Variants in PIGG observed in about 807,000 individuals in gnomAD.
PIGG encodes the protein phosphatidylinositol glycan anchor biosynthesis class G (EMM blood group), also known as GPI ethanolamine phosphate transferase 2, catalytic subunit.
In PIGG, 70 loss-of-function variants were observed where a neutral mutation model predicts 83.2. The ratio of observed to expected loss-of-function variants is 0.84; its 90% CI spans 0.69 to 1.03. The LOEUF (loss-of-function observed/expected upper bound fraction) is 1.03, where lower values mean the gene tolerates loss of function less well. Among genes scored for constraint, PIGG ranks in the 50% least tolerant of loss-of-function variants. The pLI is 0.00. For missense variants in PIGG, 1,257 were observed against 1,233.6 expected, an observed-to-expected ratio of 1.02 and a Z score of -0.28; for synonymous variants, 532 against 519.5, an observed-to-expected ratio of 1.02 and a Z score of -0.33.
At chr4:538,495 A>G (rs975029578) in intron 12 of PIGG, among the ~76,000 whole-genome samples, 1 of 152,150 alleles carries the variant, frequency 6.6e-6, no homozygotes, top group Non-Finnish European at 1.5e-5. Flanking sequence ...TTTTCTATTC[A>G]TCGTTTGTAT....
Position 499,457 on chromosome 4 carries a change from G to C in PIGG, c.122G>C (p.Gly41Ala). ...CGTTCCTCTGCCAGAGCGGAACACGGAGCGGAGCCCCCAGCGCCCGAACCC... is the reference window on the plus strand; with the variant it reads ...CGTTCCTCTGCCAGAGCGGAACACGCAGCGGAGCCCCCAGCGCCCGAACCC... ...PVRSSARAEH[G>A]AEPPAPEPSA... is the part of the protein sequence containing the mutation. Residue 41 changes from glycine (G) to alanine (A), a missense_variant, in exon 1 of 13, where the codon GGA (glycine) becomes GCA (alanine). Gly to Ala is a moderately conservative substitution (Grantham distance 60, BLOSUM62 0). Coordinates refer to ENST00000453061, the MANE Select transcript of PIGG (RefSeq NM_001127178.3). 7.5e-6 allele frequency: 12 copies of C among 1,602,798 alleles called. No homozygotes were observed. Among genetic ancestry groups the C allele is most frequent in the Non-Finnish European group, 8.5e-6 (10 of 1,179,312 alleles).
In PIGG at chr4:499,408, C is replaced by A; in HGVS notation, c.73C>A (p.Arg25=). 1 of 1,609,336 alleles carries A rather than the reference C, an allele frequency of 6.2e-7. No individual in the cohort carries two copies. Among genetic ancestry groups the A allele is most frequent in the South Asian group, 1.1e-5 (1 of 90,960 alleles). Residue 25 remains arginine (R), a synonymous_variant, in exon 1 of 13, where the codon CGG becomes AGG. Coordinates refer to ENST00000453061, the MANE Select transcript of PIGG (RefSeq NM_001127178.3). ...IEVLGIAVFL[R]GFFPAPVRSS... ...GGTGCTAGGGATCGCGGTCTTCCTT[C>A]GGGGATTCTTCCCGGCTCCCGTTCG...
chr4:533,915 G>A lies in PIGG; in HGVS notation c.2669G>A (p.Gly890Glu). ...CCAGCCGTGCTCCTGACAGCGTTTG[G>A]GACGTACGCAGGGCCTGTGCTGTGG... ...EIPAVLLTAF[G>E]TYAGPVLWAS... Residue 890 changes from glycine (G) to glutamate (E), a missense_variant, in exon 12 of 13, where the codon GGG becomes GAG. Physicochemically the swap from Gly to Glu is moderately conservative, Grantham distance 98. Transcript: ENST00000453061. The A allele has an allele frequency of 6.2e-7, 1 of 1,614,186 alleles. No individual in the cohort carries two copies. The highest frequency in any genetic ancestry group is 8.5e-7 in the Non-Finnish European group (1 of 1,180,018).
chr4:511,783 A>AT lies in PIGG; in HGVS notation c.901+2816dup, dbSNP rs1221643023. Among the ~76,000 whole-genome samples, 36 of 152,334 alleles carry AT rather than the reference A, an allele frequency of 2.4e-4. No homozygotes were observed. The East Asian group carries it at 5.6e-3, about 24-fold the overall frequency. ...TCTTTTAGTATTTCTTGTAAGGCAG[A>AT]TTTGCTAGCAAAGAATTTTTTGTTT... On this transcript the variant is annotated intron_variant, in intron 5 of 12. Coordinates refer to ENST00000453061, the MANE Select transcript of PIGG (RefSeq NM_001127178.3).
intron 5 of PIGG, among the ~76,000 whole-genome samples, chr4:513,973 C>T (rs1216709559): frequency 6.6e-6 from 1 of 152,158 alleles, no homozygotes; most frequent in Non-Finnish European, 1.5e-5. Context: ...GATGCTGGTA[C>T]CCCTGGCTGA....
intron 9 of PIGG, chr4:525,445 A>G (rs367625087): frequency 1.3e-6 from 1 of 747,798 alleles, no homozygotes. Flanking sequence ...GAACTCCTGT[A>G]AGAAATGGCA....
rs375287233 is a variant in PIGG, at chr4:537,358, T to G, written c.2736-1795T>G. 1.3e-4 allele frequency: 20 copies of G among 152,212 alleles called. No homozygotes were observed. In the South Asian group the frequency reaches 2.9e-3, roughly 22 times the overall value. The allele number at this position is 152,212 out of a possible 1,614,324, so 9.4% of individuals were successfully genotyped here. On this transcript the variant is annotated intron_variant, in intron 12 of 12. Transcript: ENST00000453061. ...GTGGTGGGAACAGCAAGCCGCCATCTTCTAGGTGGGTAACGCTATAAAGTG... is the reference window on the plus strand; with the variant it reads ...GTGGTGGGAACAGCAAGCCGCCATCGTCTAGGTGGGTAACGCTATAAAGTG...
intron 6 of PIGG, among the ~76,000 whole-genome samples, chr4:516,817 C>G (rs1724021507): frequency 7.1e-6 from 1 of 141,712 alleles, no homozygotes; most frequent in Admixed American, 7.3e-5. Context: ...GATCGCGCTA[C>G]TGCACTCCAG....
chr4:512,856 A>T (rs1168119209), intron 5 of PIGG, among the ~76,000 whole-genome samples: 1 of 152,142 alleles, frequency 6.6e-6, no homozygotes, highest in East Asian at 1.9e-4. Flanking sequence ...CTCTTTATTG[A>T]TATTCTCTAT....
intron 10 of PIGG, among the ~76,000 whole-genome samples, chr4:529,200 C>G (rs1728440664): frequency 6.6e-6 from 1 of 152,216 alleles, no homozygotes; most frequent in African/African-American, 2.4e-5. Flanking sequence ...GCCCTAGCAT[C>G]CTCTCGACAC....
At chr4:512,324 A>T (rs1722289099) in intron 5 of PIGG, among the ~76,000 whole-genome samples, 1 of 144,844 alleles carries the variant, frequency 6.9e-6, no homozygotes, top group African/African-American at 2.6e-5. Flanking sequence ...GGTTCAAGCT[A>T]TTCTCCTGCC....
rs1194473818 is a variant in PIGG, at chr4:528,528, G to A, written c.2261+1298G>A. On this transcript the variant is annotated intron_variant, in intron 10 of 12. Coordinates refer to ENST00000453061, the MANE Select transcript of PIGG (RefSeq NM_001127178.3). This position sits in a 1 kb window ranked among gnomAD's most constrained non-coding sequence, Gnocchi z 4.8. ...GAGGCCTGGCTGAGGCAGTGAGAGT[G>A]TAGCAGGCCGTCATACGGGGCCGGG... The A allele has an allele frequency of 4.1e-6, 4 of 985,230 alleles. No individual in the cohort carries two copies. The allele number at this position is 985,230 out of a possible 1,614,324, so 61.0% of individuals were successfully genotyped here. A position where few individuals can be genotyped will look rare whatever the true frequency, so the allele number is the denominator to read the frequency against.
At chr4:499,653 T>A in intron 1 of PIGG, 164 bp downstream of exon 1, 3 of 1,417,146 alleles carry the variant, frequency 2.1e-6, no homozygotes, top group Non-Finnish European at 2.7e-6. Context: ...GCGTCTCTTT[T>A]CTGTATTCTT....
At chr4:505,501 C>T (rs1719319544) in intron 2 of PIGG, among the ~76,000 whole-genome samples, 1 of 147,918 alleles carries the variant, frequency 6.8e-6, no homozygotes, top group Non-Finnish European at 1.5e-5. Context: ...GGTGTGGTGC[C>T]ACACACCTGT....
chr4:523,956 C>A, intron 9 of PIGG, 43 bp downstream of exon 9: 1 of 1,256,106 alleles, frequency 8.0e-7, no homozygotes, highest in Non-Finnish European at 1.1e-6. Context: ...CTTTCTACGG[C>A]CGATTGGTCA....
chr4:500,672 CTT>C, intron 2 of PIGG, 71 bp downstream of exon 2: 1 of 989,122 alleles, frequency 1.0e-6, no homozygotes, highest in African/African-American at 1.6e-5. Flanking sequence ...TCTCTGTAGT[CTT>C]TCGCTTGGAG....
Position 516,050 on chromosome 4 carries a change from C to G in PIGG, c.979C>G (p.Pro327Ala), listed in dbSNP as rs773467896. ...TLAIALGLPI[P>A]KDSVGSLLFP... ...GGCGATAGCACTTGGCTTACCGATT[C>G]CAAAAGACAGTGTAGGGAGCCTCCT... The change falls in exon 6 of 13, where the codon CCA (proline) becomes GCA (alanine). Residue 327 changes from proline (P) to alanine (A), a missense_variant. Pro to Ala is a conservative substitution (Grantham distance 27). Transcript: ENST00000453061. 2.4e-5 allele frequency: 38 copies of G among 1,614,020 alleles called. No individual in the cohort carries two copies. The East Asian group carries it at 8.2e-4, about 35-fold the overall frequency.
chr4:526,223 A>G (rs1727561742), intron 9 of PIGG, among the ~76,000 whole-genome samples: 1 of 152,230 alleles, frequency 6.6e-6, no homozygotes, highest in Non-Finnish European at 1.5e-5. Flanking sequence ...AACGCGTGCC[A>G]TTTAAAAAGC....
chr4:535,968 G>A (rs1218398955), intron 12 of PIGG, among the ~76,000 whole-genome samples: 4 of 152,224 alleles, frequency 2.6e-5, no homozygotes, highest in Non-Finnish European at 1.5e-5. Flanking sequence ...GGACTGAGGA[G>A]CCCTTTACAG....
Sources: allele counts gnomAD v4.1 joint callset (sites outside exome capture counted in the v4.1 genomes callset), GRCh38; gene constraint gnomAD v4.1.1; non-coding constraint Gnocchi (gnomAD v3.1); transcripts MANE v1.5; gene names NCBI Gene and HGNC (gene_info 2026-07-23, HGNC 2026-07-21).